SPSB4: variants seen among roughly 807,000 people sequenced by gnomAD.
SPSB4 encodes SPRY domain-containing SOCS box protein 4.
In SPSB4, 21 loss-of-function variants were observed where a neutral mutation model predicts 20.9. That is an observed-to-expected ratio of 1.01 (90% CI 0.71 to 1.45). The LOEUF is 1.45. SPSB4 is among the 40% of genes most tolerant of loss of function. The pLI, the probability that SPSB4 is intolerant of heterozygous loss-of-function variation, is 0.00. For synonymous variants in SPSB4, 207 were observed against 183.8 expected, an observed-to-expected ratio of 1.13 and a Z score of -1.02; for missense variants, 399 against 399.2, an observed-to-expected ratio of 1.00 and a Z score of 0.00.
chr3:141,131,476 G>GC (rs1002357225), intron 2 of SPSB4, among the ~76,000 whole-genome samples: 7 of 151,674 alleles, frequency 4.6e-5, no homozygotes, highest in African/African-American at 1.5e-4. Context: ...GAAAATTCCA[G>GC]CCCCCCCTTC....
chr3:141,114,806 A>C (rs1396949370), intron 2 of SPSB4, among the ~76,000 whole-genome samples: 1 of 152,158 alleles, frequency 6.6e-6, no homozygotes, highest in Non-Finnish European at 1.5e-5. Flanking sequence ...ATAAACCTCT[A>C]ATGTCTGCTA....
intron 2 of SPSB4, among the ~76,000 whole-genome samples, chr3:141,085,940 A>G (rs1486727289): frequency 1.3e-5 from 2 of 152,144 alleles, no homozygotes; most frequent in East Asian, 3.9e-4. Flanking sequence ...GTCTGATTTT[A>G]TTTCTGATCT....
intron 2 of SPSB4, among the ~76,000 whole-genome samples, chr3:141,114,910 G>T (rs1363262922): frequency 6.6e-6 from 1 of 152,170 alleles, no homozygotes; most frequent in East Asian, 1.9e-4. Context: ...TGAATGTTCT[G>T]GGCGTTGACC....
At chr3:141,081,813 C>T (rs550321973) in intron 2 of SPSB4, among the ~76,000 whole-genome samples, 1 of 152,252 alleles carries the variant, frequency 6.6e-6, no homozygotes, top group Admixed American at 6.5e-5. Flanking sequence ...TAAAGCAAAA[C>T]CTGTGAAAGC....
chr3:141,139,298 G>A (rs1939282337), intron 2 of SPSB4, among the ~76,000 whole-genome samples: 1 of 152,086 alleles, frequency 6.6e-6, no homozygotes, highest in African/African-American at 2.4e-5. Flanking sequence ...CAATTTGCCA[G>A]TCTGTGCCTT....
At chr3:141,089,073 A>G (rs574166038) in intron 2 of SPSB4, among the ~76,000 whole-genome samples, 23 of 152,190 alleles carry the variant, frequency 1.5e-4, no homozygotes. Flanking sequence ...TGCAGGAGGA[A>G]TTTCAGGCCA....
chr3:141,089,213 A>G (rs530984792), intron 2 of SPSB4, among the ~76,000 whole-genome samples: 1 of 152,344 alleles, frequency 6.6e-6, no homozygotes, highest in African/African-American at 2.4e-5. Context: ...TGCTCTCTTC[A>G]GGTGGACGAG....
At chr3:141,075,118 C>CCATGCAGTTTCTGAGTCCGT (rs1553738394) in intron 2 of SPSB4, among the ~76,000 whole-genome samples, 3 of 151,244 alleles carry the variant, frequency 2.0e-5, no homozygotes, top group African/African-American at 7.3e-5. Flanking sequence ...AGTGAGAATT[C>CCATGCAGTTTCTGAGTCCGT]AATGCAGTTT....
chr3:141,132,496 A>T (rs1419307073), intron 2 of SPSB4, among the ~76,000 whole-genome samples: 1 of 152,060 alleles, frequency 6.6e-6, no homozygotes, highest in Non-Finnish European at 1.5e-5. Context: ...TTGCATCCTC[A>T]TACCTTAGCT....
intron 2 of SPSB4, among the ~76,000 whole-genome samples, chr3:141,098,134 C>T (rs1283607058): frequency 6.6e-6 from 1 of 152,212 alleles, no homozygotes; most frequent in Non-Finnish European, 1.5e-5. Context: ...TTCCACTGAT[C>T]CATCTAGTCC....
At chr3:141,120,728 T>G (rs1938952656) in intron 2 of SPSB4, among the ~76,000 whole-genome samples, 1 of 152,212 alleles carries the variant, frequency 6.6e-6, no homozygotes, top group East Asian at 1.9e-4. Flanking sequence ...AGACTAGGAT[T>G]GCGACCCCTG....
chr3:141,121,805 C>T (rs1043134155), intron 2 of SPSB4, among the ~76,000 whole-genome samples: 4 of 152,168 alleles, frequency 2.6e-5, no homozygotes, highest in African/African-American at 9.7e-5. Context: ...TTCTAGTTAG[C>T]CATTTGTCTA....
chr3:141,134,039 T>TC (rs200962931), intron 2 of SPSB4, among the ~76,000 whole-genome samples: 169 of 136,312 alleles, frequency 1.2e-3, no homozygotes, highest in African/African-American at 3.8e-3. Flanking sequence ...TCTTTTCTTT[T>TC]TTTTTTTTTC....
Position 141,066,425 on chromosome 3 carries a change from G to A in SPSB4, c.321G>A (p.Arg107=). Residue 107 remains arginine (R), a synonymous_variant, in exon 2 of 3, where the codon CGG becomes CGA. Transcript: ENST00000310546. The part of the protein sequence containing the change: ...LHAWQINWPA[R]QRGTHAVVGV... Reference sequence around the variant, plus strand: ...CCTGGCAGATCAACTGGCCGGCTCGGCAGCGCGGCACCCACGCTGTAGTTG... The same window carrying A: ...CCTGGCAGATCAACTGGCCGGCTCGACAGCGCGGCACCCACGCTGTAGTTG... 1.3e-6 allele frequency: 2 copies of A among 1,517,402 alleles called. No individual in the cohort carries two copies. Among genetic ancestry groups the A allele is most frequent in the Non-Finnish European group, 1.8e-6 (2 of 1,134,034 alleles). The allele number at this position is 1,517,402 out of a possible 1,614,324, so 94.0% of individuals were successfully genotyped here.
chr3:141,063,062 G>T (rs1481398022), intron 1 of SPSB4, among the ~76,000 whole-genome samples: 1 of 152,118 alleles, frequency 6.6e-6, no homozygotes, highest in Non-Finnish European at 1.5e-5. Flanking sequence ...GTGCTATTTG[G>T]TGAGTTCGGT....
At chr3:141,134,049 C>CTTTTTTTTTTTTTTTTTTTTTTTTT (rs1939184001) in intron 2 of SPSB4, among the ~76,000 whole-genome samples, 32 of 63,896 alleles carry the variant, frequency 5.0e-4, no homozygotes, top group Non-Finnish European at 7.4e-4. Flanking sequence ...TTTTTTTTTT[C>CTTTTTTTTTTTTTTTTTTTTTTTTT]TTTTTTCTTT....
chr3:141,066,485 G>T lies in SPSB4; in HGVS notation c.381G>T (p.Val127=). 4.7e-6 allele frequency: 7 copies of T among 1,501,028 alleles called. No individual in the cohort carries two copies. Among genetic ancestry groups the T allele is most frequent in the Non-Finnish European group, 6.2e-6 (7 of 1,124,608 alleles). The allele number at this position is 1,501,028 out of a possible 1,614,324, so 93.0% of individuals were successfully genotyped here. A position where few individuals can be genotyped will look rare whatever the true frequency, so the allele number is the denominator to read the frequency against. ...VATARAPLHS[V]GYTALVGSDA... ...CGGCCCGTGCTCCCCTGCACTCCGT[G>T]GGCTACACGGCGCTGGTAGGCAGTG... The change falls in exon 2 of 3, where the codon GTG becomes GTT. Residue 127 remains valine (V), a synonymous_variant. Transcript: ENST00000310546.
chr3:141,140,134 G>C (rs932114554), intron 2 of SPSB4, among the ~76,000 whole-genome samples: 3 of 152,090 alleles, frequency 2.0e-5, no homozygotes, highest in African/African-American at 4.8e-5. Flanking sequence ...GTCAGTTACT[G>C]AGGCTTGTGC....
intron 2 of SPSB4, among the ~76,000 whole-genome samples, chr3:141,140,534 A>C (rs1241541234): frequency 6.6e-6 from 1 of 152,086 alleles, no homozygotes; most frequent in Non-Finnish European, 1.5e-5. Flanking sequence ...TCTCTTTGTT[A>C]GTTTTCCTTC....
Sources: gnomAD v4.1 joint callset for allele counts (sites outside exome capture counted in the v4.1 genomes callset) on GRCh38, gnomAD v4.1.1 for gene constraint, MANE v1.5 for transcripts, NCBI Gene and HGNC (gene_info 2026-07-23, HGNC 2026-07-21) for gene names.